TAF4B: variants seen among roughly 807,000 people sequenced by gnomAD.
The protein encoded by TAF4B is transcription initiation factor TFIID subunit 4B.
In TAF4B, 38 loss-of-function variants were observed where a neutral mutation model predicts 86.4. The observed-to-expected ratio is 0.44, with a 90% CI of 0.34 to 0.58. TAF4B has a LOEUF of 0.58. TAF4B is among the 20% of genes least tolerant of loss of function. The probability of loss-of-function intolerance (pLI) is 0.02; values close to 1 mark genes in which losing one functional copy is unlikely to be tolerated. For missense variants in TAF4B, 988 were observed against 1,027.6 expected, an observed-to-expected ratio of 0.96 and a Z score of 0.53; for synonymous variants, 388 against 391.2, an observed-to-expected ratio of 0.99 and a Z score of 0.10.
At chr18:26,274,854 C>A in intron 4 of TAF4B, 30 bp downstream of exon 4, 2 of 1,613,556 alleles carry the variant, frequency 1.2e-6, no homozygotes, top group Non-Finnish European at 1.7e-6. Context: ...TTACATAAAT[C>A]TTGTTCCTTG....
At chr18:26,376,984 A>G (rs1398717255) in intron 14 of TAF4B, among the ~76,000 whole-genome samples, 1 of 151,460 alleles carries the variant, frequency 6.6e-6, no homozygotes, top group Non-Finnish European at 1.5e-5. Context: ...ACATTGATTG[A>G]TTTTTATGTA....
At chr18:26,339,188 A>G (rs2057117063) in intron 13 of TAF4B, among the ~76,000 whole-genome samples, 1 of 152,106 alleles carries the variant, frequency 6.6e-6, no homozygotes, top group African/African-American at 2.4e-5. Context: ...TTTTCTCGCT[A>G]TTATAACTTT....
intron 11 of TAF4B, among the ~76,000 whole-genome samples, chr18:26,325,915 A>G (rs2056999675): frequency 6.6e-6 from 1 of 152,206 alleles, no homozygotes; most frequent in Non-Finnish European, 1.5e-5. Flanking sequence ...AATACCAACA[A>G]TAAAAATTTA....
At chr18:26,307,325 T>G (rs1005741862) in intron 9 of TAF4B, among the ~76,000 whole-genome samples, 18 of 152,180 alleles carry the variant, frequency 1.2e-4, no homozygotes, top group Admixed American at 8.5e-4. Flanking sequence ...TCTATTCTGC[T>G]TGTCAGTATA....
At chr18:26,338,130 A>C (rs2057107420) in intron 13 of TAF4B, among the ~76,000 whole-genome samples, 1 of 152,042 alleles carries the variant, frequency 6.6e-6, no homozygotes, top group Non-Finnish European at 1.5e-5. Context: ...AATCTTATCC[A>C]TATTTGCTTT....
chr18:26,303,133 C>T (rs1191954180), intron 9 of TAF4B, among the ~76,000 whole-genome samples: 8 of 72,482 alleles, frequency 1.1e-4, no homozygotes, highest in Admixed American at 8.1e-4. Flanking sequence ...CATACCCCCT[C>T]CACTTTCATA....
chr18:26,388,916 A>C (rs145843375), intron 14 of TAF4B, among the ~76,000 whole-genome samples: 4 of 152,076 alleles, frequency 2.6e-5, no homozygotes, highest in Non-Finnish European at 5.9e-5. Context: ...CCTGGGTTCA[A>C]TTCTCCTGCC....
chr18:26,269,426 T>G (rs1261069009), intron 3 of TAF4B, among the ~76,000 whole-genome samples: 1 of 152,202 alleles, frequency 6.6e-6, no homozygotes, highest in Non-Finnish European at 1.5e-5. Flanking sequence ...TACCTCTTGC[T>G]GGCTGTTCTA....
At chr18:26,315,612 A>G (rs2056903365) in intron 10 of TAF4B, among the ~76,000 whole-genome samples, 1 of 152,152 alleles carries the variant, frequency 6.6e-6, no homozygotes, top group Non-Finnish European at 1.5e-5. Flanking sequence ...TATTTTACTC[A>G]TATTTCTTAA....
chr18:26,330,346 T>C (rs2057040530), intron 12 of TAF4B, among the ~76,000 whole-genome samples: 1 of 152,202 alleles, frequency 6.6e-6, no homozygotes, highest in Non-Finnish European at 1.5e-5. Flanking sequence ...CCCTTCCAGC[T>C]GGCCCTTCTG....
At chr18:26,285,383 T>G (rs1363584172) in intron 6 of TAF4B, among the ~76,000 whole-genome samples, 1 of 151,836 alleles carries the variant, frequency 6.6e-6, no homozygotes, top group Non-Finnish European at 1.5e-5. Context: ...AGATGGGGTT[T>G]TGCCATGTTG....
intron 10 of TAF4B, among the ~76,000 whole-genome samples, chr18:26,318,052 G>C (rs1210812657): frequency 6.6e-6 from 1 of 152,026 alleles, no homozygotes; most frequent in African/African-American, 2.4e-5. Flanking sequence ...TTTATTTTTG[G>C]GATGTGGTCT....
intron 13 of TAF4B, among the ~76,000 whole-genome samples, chr18:26,345,011 C>G (rs977400933): frequency 1.3e-5 from 2 of 152,192 alleles, no homozygotes; most frequent in East Asian, 1.9e-4. Context: ...ACAGTCCTTA[C>G]TACAGGAGAA....
At chr18:26,271,988 GA>G (rs71169840) in intron 3 of TAF4B, among the ~76,000 whole-genome samples, 8 of 144,846 alleles carry the variant, frequency 5.5e-5, no homozygotes, top group East Asian at 2.0e-4. Context: ...TAGGCGAAAA[GA>G]AAAAAAAAAC....
chr18:26,300,307 T>TTTTTTTTTATTATTATTA (rs1555679571), intron 9 of TAF4B, among the ~76,000 whole-genome samples: 1 of 145,382 alleles, frequency 6.9e-6, no homozygotes. Context: ...AATGTAGGCA[T>TTTTTTTTTATTATTATTA]TTATTATTAT....
chr18:26,289,566 A>G (rs952482041), intron 7 of TAF4B, among the ~76,000 whole-genome samples: 4 of 152,156 alleles, frequency 2.6e-5, no homozygotes, highest in African/African-American at 9.7e-5. Context: ...GGCTCACTGC[A>G]GTCTTGACTT....
chr18:26,246,763 C>T (rs1288283346), intron 1 of TAF4B, among the ~76,000 whole-genome samples: 2 of 151,954 alleles, frequency 1.3e-5, no homozygotes, highest in Non-Finnish European at 2.9e-5. Context: ...AAACTCCTGA[C>T]CTCAGGTGAT....
At chr18:26,314,787 G>A (rs1197624995) in intron 9 of TAF4B, among the ~76,000 whole-genome samples, 2 of 152,112 alleles carry the variant, frequency 1.3e-5, no homozygotes, top group East Asian at 1.9e-4. Context: ...TGGATGAAAA[G>A]AAAGATGTCT....
intron 13 of TAF4B, among the ~76,000 whole-genome samples, chr18:26,351,342 C>T (rs1212562931): frequency 6.6e-6 from 1 of 151,820 alleles, no homozygotes; most frequent in Non-Finnish European, 1.5e-5. Context: ...AAAAGGAGAA[C>T]AGAGAATAGT....
Sources: allele counts gnomAD v4.1 joint callset (sites outside exome capture counted in the v4.1 genomes callset), GRCh38; gene constraint gnomAD v4.1.1; transcripts MANE v1.5; gene names NCBI Gene and HGNC (gene_info 2026-07-23, HGNC 2026-07-21).